TSPAN10: variants seen among roughly 807,000 people sequenced by gnomAD.
TSPAN10 encodes the protein tetraspanin 10.
Under a neutral mutation model 15.0 loss-of-function variants are expected in TSPAN10, and 11 were observed. That is an observed-to-expected ratio of 0.73 (90% CI 0.46 to 1.21). The LOEUF (loss-of-function observed/expected upper bound fraction) is 1.21. Ranked by LOEUF, TSPAN10 falls within the 50% of genes most tolerant of loss-of-function variation. TSPAN10 has a pLI of 0.00. For missense variants in TSPAN10, 486 were observed against 470.6 expected (o/e 1.03, Z -0.30); for synonymous variants, 241 against 226.2 (o/e 1.07, Z -0.59).
chr17:81,648,097 C>A, exon 3 of TSPAN10: 1 of 1,580,834 alleles, frequency 6.3e-7, no homozygotes, highest in Middle Eastern at 1.7e-4. Flanking sequence ...GCGCGCGAAC[C>A]TGGCTGCCTC....
In TSPAN10 at chr17:81,647,376, C is replaced by T. The variant is rs554419435; in HGVS notation, c.675-525C>T. ...GATGCCTAGGGCACCTGGGGACTGC[C>T]TGACCTGGGCTGTGATGAGATCAAC... On this transcript the variant is annotated intron_variant, in intron 2 of 2. Coordinates refer to ENST00000611590, the Ensembl canonical transcript of TSPAN10. 1.1e-5 allele frequency: 5 copies of T among 455,128 alleles called. No individual in the cohort carries two copies. In the East Asian group the frequency reaches 2.1e-4, roughly 19 times the overall value. The allele number at this position is 455,128 out of a possible 1,614,324, so 28.2% of individuals were successfully genotyped here.
At chr17:81,645,748 T>C in intron 2 of TSPAN10, 119 bp downstream of exon 3, 1 of 1,285,156 alleles carries the variant, frequency 7.8e-7, no homozygotes, top group Non-Finnish European at 1.1e-6. Flanking sequence ...CCCACATGCA[T>C]GCACACGTAT....
intron 2 of TSPAN10, among the ~76,000 whole-genome samples, chr17:81,646,837 T>G (rs1389976313): frequency 4.2e-5 from 2 of 47,532 alleles, no homozygotes; most frequent in African/African-American, 2.9e-4. Context: ...GTAGCTGTCT[T>G]TTTGTTGGTT....
chr17:81,648,426 C>T, downstream of TSPAN10: 1 of 882,312 alleles, frequency 1.1e-6, no homozygotes. Flanking sequence ...GCCGCAGGAC[C>T]TACCCAGCTC....
intron 2 of TSPAN10, chr17:81,646,683 AAAAAAAAAG>A (rs2036258433): frequency 1.3e-5 from 2 of 151,192 alleles, no homozygotes; most frequent in African/African-American, 4.9e-5. Flanking sequence ...CTGTCTCAAA[AAAAAAAAAG>A]AAAAGAAAAT....
exon 1 of TSPAN10, chr17:81,637,239 T>C (rs537605933): frequency 8.1e-6 from 4 of 495,412 alleles, no homozygotes; most frequent in South Asian, 5.9e-5. Context: ...TTTGGAAAGT[T>C]GCGTCTGAGA....
At chr17:81,648,462 C>G (rs1456763347), downstream of TSPAN10, 3 of 642,984 alleles carry the variant, frequency 4.7e-6, no homozygotes, top group African/African-American at 1.9e-5. Flanking sequence ...TCCGCGTCCC[C>G]CATGCCAGCC....
chr17:81,648,017 G>A (rs1482764330), exon 3 of TSPAN10: 11 of 1,607,968 alleles, frequency 6.8e-6, no homozygotes, highest in Non-Finnish European at 8.5e-6. Flanking sequence ...GGGGTCCTGC[G>A]CCTGGATGCG....
At chr17:81,639,200 C>CTTTTTTTTTTTTTTTTT (rs757994889), upstream of TSPAN10, 2 of 115,252 alleles carry the variant, frequency 1.7e-5, 1 homozygote, top group Non-Finnish European at 3.3e-5. Context: ...TTTGGAATTA[C>CTTTTTTTTTTTTTTTTT]TTTTCTTTTT....
intron 1 of TSPAN10, among the ~76,000 whole-genome samples, chr17:81,644,322 C>T (rs2036214120): frequency 6.6e-6 from 1 of 151,836 alleles, no homozygotes; most frequent in Admixed American, 6.6e-5. Context: ...GGCTCTTGGG[C>T]ACCCTCCTCC....
At chr17:81,637,253 C>T (rs2036112249) in exon 1 of TSPAN10, 1 of 522,504 alleles carries the variant, frequency 1.9e-6, no homozygotes, top group East Asian at 3.3e-5. Context: ...TCTGAGATTA[C>T]TTCTGCTCGT....
exon 1 of TSPAN10, chr17:81,637,332 A>C: frequency 1.5e-6 from 1 of 663,962 alleles, no homozygotes. Flanking sequence ...AGTCTCACCC[A>C]AAAATAACTA....
At position 81,645,738 on chromosome 17, in the gene TSPAN10, C is replaced by T. The variant is rs1383612312; in HGVS notation, c.674+109C>T. The T allele has an allele frequency of 5.8e-6, 8 of 1,377,736 alleles. No individual in the cohort carries two copies. The Admixed American group carries it at 1.2e-4, about 20-fold the overall frequency. The allele number at this position is 1,377,736 out of a possible 1,614,324, so 85.3% of individuals were successfully genotyped here. ...ACACGTACATACTCATTCGTGCATG[C>T]CCACATGCATGCACACGTATACCCA... On this transcript the variant is annotated intron_variant, in intron 2 of 2. Transcript: ENST00000611590.
chr17:81,637,611 CA>C, upstream of TSPAN10: 1 of 508,404 alleles, frequency 2.0e-6, no homozygotes, highest in Non-Finnish European at 3.5e-6. Flanking sequence ...CCAGCCTGGC[CA>C]AAATGGTGAA....
At chr17:81,643,197 AC>A (rs1389753306) in intron 1 of TSPAN10, among the ~76,000 whole-genome samples, 2 of 150,264 alleles carry the variant, frequency 1.3e-5, no homozygotes, top group African/African-American at 4.8e-5. Context: ...ACAGGGTTTT[AC>A]CATGTTGGCT....
chr17:81,641,628 G>T (rs1471599711), upstream of TSPAN10, among the ~76,000 whole-genome samples: 5 of 152,018 alleles, frequency 3.3e-5, no homozygotes, highest in East Asian at 7.7e-4. Context: ...GAGTGTTGGT[G>T]GCTGAGTCCG....
chr17:81,643,850 G>A (rs1050252262), intron 1 of TSPAN10, among the ~76,000 whole-genome samples: 6 of 151,798 alleles, frequency 4.0e-5, no homozygotes, highest in Non-Finnish European at 5.9e-5. Context: ...ATGGAGTCTC[G>A]CTCTGTCACC....
At chr17:81,644,163 T>G (rs1403844275) in intron 1 of TSPAN10, among the ~76,000 whole-genome samples, 1 of 151,946 alleles carries the variant, frequency 6.6e-6, no homozygotes, top group Non-Finnish European at 1.5e-5. Flanking sequence ...CATAGCTTCT[T>G]ATTCTCCTTT....
chr17:81,647,165 A>G (rs1030296509), intron 2 of TSPAN10, among the ~76,000 whole-genome samples: 3 of 152,164 alleles, frequency 2.0e-5, no homozygotes, highest in African/African-American at 7.2e-5. Context: ...AGCACCACAT[A>G]GGTTGGTTTT....
Sources: allele counts gnomAD v4.1 joint callset (sites outside exome capture counted in the v4.1 genomes callset), GRCh38; gene constraint gnomAD v4.1.1; transcripts MANE v1.5; gene names NCBI Gene and HGNC (gene_info 2026-07-23, HGNC 2026-07-21).